The following POLN variants were observed in gnomAD, a reference collection of about 807,000 sequenced individuals.
POLN encodes DNA polymerase N.
POLN carries 108 observed loss-of-function variants against 113.5 expected under a neutral mutation model. The observed-to-expected ratio is 0.95, with a 90% CI of 0.81 to 1.12. POLN has a LOEUF of 1.12. Ranked by LOEUF, POLN falls within the 50% of genes most tolerant of loss-of-function variation. POLN has a pLI of 0.00. For synonymous variants in POLN, 386 were observed against 391.5 expected (o/e 0.99, Z 0.17); for missense variants, 1,097 against 1,077.1 (o/e 1.02, Z -0.26).
intron 23 of POLN, among the ~76,000 whole-genome samples, chr4:2,075,912 G>A (rs1454850664): frequency 6.6e-6 from 1 of 152,168 alleles, no homozygotes; most frequent in Non-Finnish European, 1.5e-5. Flanking sequence ...CTGAAGTCTG[G>A]GCAGGGATGG....
At chr4:2,229,062 G>GT in intron 3 of POLN, 37 bp downstream of exon 3, 1 of 1,540,628 alleles carries the variant, frequency 6.5e-7, no homozygotes, top group Non-Finnish European at 8.9e-7. Context: ...AACATTCAAA[G>GT]TATCAAGAGA....
intron 19 of POLN, among the ~76,000 whole-genome samples, chr4:2,121,206 A>G (rs557231): frequency 0.84 from 127,705 of 152,014 alleles, 54,246 homozygotes; most frequent in Non-Finnish European, 0.9. Context: ...AGGCGGAGGC[A>G]GGTGGATTGC....
At chr4:2,081,122 A>G in intron 22 of POLN, 86 bp from the exon 23 acceptor site, 1 of 1,606,784 alleles carries the variant, frequency 6.2e-7, no homozygotes, top group South Asian at 1.1e-5. Flanking sequence ...CACAGCTCTC[A>G]CGGTACCTCC....
At chr4:2,210,544 C>G (rs1733963391) in intron 4 of POLN, among the ~76,000 whole-genome samples, 1 of 150,080 alleles carries the variant, frequency 6.7e-6, no homozygotes, top group African/African-American at 2.4e-5. Flanking sequence ...TCACACCACA[C>G]TGCACTTCAG....
intron 8 of POLN, among the ~76,000 whole-genome samples, chr4:2,177,793 G>T (rs1207968497): frequency 1.3e-5 from 2 of 152,196 alleles, no homozygotes; most frequent in Admixed American, 6.5e-5. Flanking sequence ...AAGATGCCTG[G>T]CCTCCCTGGT....
chr4:2,072,960 C>T lies in POLN; in HGVS notation c.2517+8G>A, dbSNP rs1378724320. On this transcript the variant is annotated splice_region_variant and intron_variant, in intron 25 of 25. Coordinates refer to ENST00000511885, the MANE Select transcript of POLN (RefSeq NM_181808.4). ...CGGAAGACCGGGCAGGCTTAAGTGT[C>T]CCCTCACCTGAAGCTGCAGCTCCAA... 1.2e-6 allele frequency: 2 copies of T among 1,612,896 alleles called. No homozygotes were observed. Among genetic ancestry groups the T allele is most frequent in the Non-Finnish European group, 1.7e-6 (2 of 1,179,834 alleles).
At chr4:2,201,191 C>A (rs1241651487) in intron 5 of POLN, among the ~76,000 whole-genome samples, 1 of 124,478 alleles carries the variant, frequency 8.0e-6, no homozygotes, top group Non-Finnish European at 1.6e-5. Context: ...CGCCTGAACC[C>A]GGGAGGTGGA....
intron 23 of POLN, 166 bp downstream of exon 23, chr4:2,080,792 C>T: frequency 1.3e-6 from 2 of 1,486,952 alleles, no homozygotes; most frequent in Non-Finnish European, 1.8e-6. Context: ...TGTCTGCATG[C>T]CTGCTGTGAG....
chr4:2,176,711 G>C (rs1733006424), intron 8 of POLN, among the ~76,000 whole-genome samples: 1 of 152,116 alleles, frequency 6.6e-6, no homozygotes, highest in African/African-American at 2.4e-5. Flanking sequence ...CATTCTCTCA[G>C]CCTTACCACC....
chr4:2,072,046 G>A lies in POLN; in HGVS notation c.*68C>T, dbSNP rs1157688613. On this transcript the variant is annotated 3_prime_UTR_variant, in exon 26 of 26. Coordinates refer to ENST00000511885, the MANE Select transcript of POLN (RefSeq NM_181808.4). The stretch of plus-strand genomic sequence containing the variant: ...ATGCGTCCTGGGGCGTACAGAGCTG[G>A]TGACCTTGGGGAAGGCCACACAATG... 1 of 1,556,490 alleles carries A rather than the reference G, an allele frequency of 6.4e-7. No homozygotes were observed. Among genetic ancestry groups the A allele is most frequent in the Non-Finnish European group, 8.9e-7 (1 of 1,128,664 alleles).
intron 19 of POLN, among the ~76,000 whole-genome samples, chr4:2,114,561 T>A (rs1731273004): frequency 6.6e-6 from 1 of 152,240 alleles, no homozygotes; most frequent in Non-Finnish European, 1.5e-5. Context: ...AGTTATTCCA[T>A]CATCTTCTGG....
intron 20 of POLN, chr4:2,088,910 A>G (rs1416517732): frequency 3.9e-6 from 5 of 1,282,226 alleles, no homozygotes; most frequent in African/African-American, 1.5e-5. Flanking sequence ...ACGAAGACAC[A>G]GTGTTGAGGC....
chr4:2,206,878 T>C (rs2108763370), intron 5 of POLN, among the ~76,000 whole-genome samples: 1 of 152,322 alleles, frequency 6.6e-6, no homozygotes, highest in East Asian at 1.9e-4. Flanking sequence ...TACCATTTGA[T>C]CCAGCAATCC....
At chr4:2,229,329 T>C in intron 2 of POLN, 86 bp from the exon 3 acceptor site, 1 of 1,050,366 alleles carries the variant, frequency 9.5e-7, no homozygotes, top group Non-Finnish European at 1.3e-6. Context: ...CAAAAATTTA[T>C]ATACCAACTT....
At chr4:2,074,279 T>G (rs1730224603) in intron 24 of POLN, among the ~76,000 whole-genome samples, 1 of 152,132 alleles carries the variant, frequency 6.6e-6, no homozygotes, top group African/African-American at 2.4e-5. Context: ...CTGGGAGATA[T>G]GACCTGACCC....
At chr4:2,171,706 G>A (rs979364835) in intron 11 of POLN, among the ~76,000 whole-genome samples, 3 of 152,174 alleles carry the variant, frequency 2.0e-5, no homozygotes, top group East Asian at 1.9e-4. Flanking sequence ...TTGGGAGGCC[G>A]AGGCAGGTGG....
At chr4:2,241,187 G>C in intron 2 of POLN, 3 of 406,800 alleles carry the variant, frequency 7.4e-6, no homozygotes, top group Non-Finnish European at 1.3e-5. Context: ...ATCCGAGAGC[G>C]GGATAAATGA....
In POLN at chr4:2,161,794, G is replaced by A. The variant is rs368257686; in HGVS notation, c.1555-2583C>T. Among the ~76,000 whole-genome samples, 35 of 152,100 alleles carry A rather than the reference G, an allele frequency of 2.3e-4. 1 individual carries two copies. The East Asian group carries it at 2.9e-3, about 13-fold the overall frequency. On this transcript the variant is annotated intron_variant, in intron 13 of 25. Transcript: ENST00000511885. ...CTCAGGGGTTGTAAATACACCAATC[G>A]GCACTCTGTATCTAGCTCAAGGTTT... is the stretch of plus-strand genomic sequence containing the variant.
rs143200453 is a variant in POLN, at chr4:2,183,502, C to G, written c.1022-4037G>C. The stretch of plus-strand genomic sequence containing the variant: ...ACAACTTGAATGAACCTTTAAAACA[C>G]TAGGTTAAAAACCAACAACAACAAA... On this transcript the variant is annotated intron_variant, in intron 7 of 25. Coordinates refer to ENST00000511885, the MANE Select transcript of POLN (RefSeq NM_181808.4). Among the ~76,000 whole-genome samples the G allele has an allele frequency of 7.7e-3, 1,174 of 152,242 alleles. 10 individuals carry two copies. The highest frequency in any genetic ancestry group is 9.6e-3 in the Non-Finnish European group (656 of 68,016).
Sources: gnomAD v4.1 joint callset for allele counts (sites outside exome capture counted in the v4.1 genomes callset) on GRCh38, gnomAD v4.1.1 for gene constraint, MANE v1.5 for transcripts, NCBI Gene and HGNC (gene_info 2026-07-23, HGNC 2026-07-21) for gene names.